RABGAP1L: variants seen among roughly 807,000 people sequenced by gnomAD.
RABGAP1L encodes RAB GTPase activating protein 1 like.
Under a neutral mutation model 137.7 loss-of-function variants are expected in RABGAP1L, and 63 were observed. The ratio of observed to expected loss-of-function variants is 0.46; its 90% CI spans 0.37 to 0.56. The LOEUF (loss-of-function observed/expected upper bound fraction) is 0.56, where lower values mean the gene tolerates loss of function less well. Among genes scored for constraint, RABGAP1L ranks in the 20% least tolerant of loss-of-function variants. RABGAP1L has a pLI of 0.00. For synonymous variants in RABGAP1L, 431 were observed against 433.7 expected, an observed-to-expected ratio of 0.99 and a Z score of 0.08; for missense variants, 1,095 against 1,244.0, an observed-to-expected ratio of 0.88 and a Z score of 1.80.
In RABGAP1L at chr1:174,994,390, T is replaced by TA. The variant is rs1193813714; in HGVS notation, c.*4390dup. Reference sequence around the variant, plus strand: ...ATCTCCACCTGAATTTGCTGCCTGCTATAAAAACATTTCATTAATATATCC... The same window carrying TA: ...ATCTCCACCTGAATTTGCTGCCTGCTAATAAAAACATTTCATTAATATATCC... On this transcript the variant is annotated 3_prime_UTR_variant, in exon 26 of 26. Coordinates refer to ENST00000681986, the MANE Select transcript of RABGAP1L (RefSeq NM_001366446.1). 6.6e-6 allele frequency: 1 copy of TA among 152,238 alleles called. No individual in the cohort carries two copies. The highest frequency in any genetic ancestry group is 2.4e-5 in the African/African-American group (1 of 41,464). The allele number at this position is 152,238 out of a possible 1,614,324, so 9.4% of individuals were successfully genotyped here.
intron 10 of RABGAP1L, among the ~76,000 whole-genome samples, chr1:174,286,111 C>T (rs1033895962): frequency 6.6e-6 from 1 of 152,112 alleles, no homozygotes; most frequent in Non-Finnish European, 1.5e-5. Context: ...GCAAGTATTT[C>T]CTCCTCCTCA....
At chr1:174,468,132 G>C (rs1181303006) in intron 13 of RABGAP1L, among the ~76,000 whole-genome samples, 9 of 151,874 alleles carry the variant, frequency 5.9e-5, no homozygotes, top group Non-Finnish European at 1.3e-4. Flanking sequence ...ATAAATTATT[G>C]CTTTTGTTTA....
At chr1:174,290,504 G>A (rs1305149657) in intron 10 of RABGAP1L, among the ~76,000 whole-genome samples, 1 of 152,014 alleles carries the variant, frequency 6.6e-6, no homozygotes, top group Admixed American at 6.6e-5. Flanking sequence ...TGTGCTTCTG[G>A]AATTTTTGCA....
At chr1:174,349,032 C>T (rs1251466415) in intron 11 of RABGAP1L, among the ~76,000 whole-genome samples, 33 of 143,416 alleles carry the variant, frequency 2.3e-4, no homozygotes, top group Non-Finnish European at 3.1e-4. Flanking sequence ...CCGGACAGGG[C>T]GGCTGGCCGG....
chr1:174,654,958 G>T (rs34819375), intron 14 of RABGAP1L, among the ~76,000 whole-genome samples: 87,785 of 151,490 alleles, frequency 0.58, 27,712 homozygotes, highest in African/African-American at 0.85. Context: ...CATTTTTTAT[G>T]ATTAGATTCA....
rs564018710 is a variant in RABGAP1L at position 174,255,845 on chromosome 1, C to T, written c.986+3255C>T. ...CCAGCTTGCACTCTCTTTCTCTTCT[C>T]CCTGCTACTCGCTATACACACACAG... is the stretch of plus-strand genomic sequence containing the variant. On this transcript the variant is annotated intron_variant, in intron 7 of 25. Transcript: ENST00000681986. 3.3e-5 allele frequency among the ~76,000 whole-genome samples: 5 copies of T among 152,222 alleles called. No homozygotes were observed. In the East Asian group the frequency reaches 5.8e-4, roughly 18 times the overall value.
intron 4 of RABGAP1L, among the ~76,000 whole-genome samples, 190 bp from the exon 5 acceptor site, chr1:174,241,293 C>T (rs922265103): frequency 1.7e-4 from 26 of 151,594 alleles, no homozygotes; most frequent in Admixed American, 1.7e-3. Context: ...TCACTCCAGC[C>T]TGGGGGAAAG....
At chr1:174,587,811 G>A (rs1340448270) in intron 13 of RABGAP1L, among the ~76,000 whole-genome samples, 1 of 152,064 alleles carries the variant, frequency 6.6e-6, no homozygotes, top group Non-Finnish European at 1.5e-5. Flanking sequence ...ACCATCTCAA[G>A]CATTTATTTC....
intron 14 of RABGAP1L, among the ~76,000 whole-genome samples, chr1:174,679,325 A>ACTGT (rs1337152885): frequency 6.6e-6 from 1 of 152,194 alleles, no homozygotes; most frequent in African/African-American, 2.4e-5. Flanking sequence ...TCCAGCTAGC[A>ACTGT]CTGTCTCTCA....
chr1:174,185,302 A>G (rs1212890634), intron 1 of RABGAP1L, among the ~76,000 whole-genome samples: 1 of 152,222 alleles, frequency 6.6e-6, no homozygotes, highest in African/African-American at 2.4e-5. Flanking sequence ...AAGCAAGTAA[A>G]TATACCAACT....
At chr1:174,588,810 A>G (rs568830171) in intron 13 of RABGAP1L, among the ~76,000 whole-genome samples, 4 of 152,184 alleles carry the variant, frequency 2.6e-5, no homozygotes, top group South Asian at 2.1e-4. Context: ...ATAGTACTCC[A>G]TTGTGTACAT....
intron 19 of RABGAP1L, among the ~76,000 whole-genome samples, chr1:174,899,325 C>T (rs1393715914): frequency 1.3e-5 from 2 of 152,018 alleles, no homozygotes; most frequent in Non-Finnish European, 2.9e-5. Flanking sequence ...CTGGAGAAGA[C>T]GTTAGGAACT....
chr1:174,812,737 A>T (rs960907483), intron 19 of RABGAP1L, among the ~76,000 whole-genome samples: 16 of 152,228 alleles, frequency 1.1e-4, no homozygotes, highest in Non-Finnish European at 1.8e-4. Context: ...AGCTGTGAAA[A>T]AAAAGAGAGT....
chr1:174,848,912 G>C (rs1285279355), intron 19 of RABGAP1L, among the ~76,000 whole-genome samples: 1 of 150,714 alleles, frequency 6.6e-6, no homozygotes, highest in African/African-American at 2.4e-5. Flanking sequence ...CGAGCCAGGT[G>C]TGGGATATAG....
chr1:174,808,142 C>T (rs191865165), intron 18 of RABGAP1L, among the ~76,000 whole-genome samples: 1 of 151,994 alleles, frequency 6.6e-6, no homozygotes, highest in Admixed American at 6.6e-5. Context: ...CATCACCATG[C>T]CCGGCTAAAA....
chr1:174,946,099 T>C (rs1234950333), intron 19 of RABGAP1L, among the ~76,000 whole-genome samples: 1 of 152,134 alleles, frequency 6.6e-6, no homozygotes, highest in Non-Finnish European at 1.5e-5. Flanking sequence ...TTTTTCTTTT[T>C]TCTTTTTAAT....
intron 13 of RABGAP1L, among the ~76,000 whole-genome samples, chr1:174,612,526 T>A (rs1671360227): frequency 6.6e-6 from 1 of 152,190 alleles, no homozygotes; most frequent in African/African-American, 2.4e-5. Context: ...TCTTTTTTGG[T>A]TGTGTCTCTG....
At chr1:174,358,779 T>G (rs1683876618) in intron 11 of RABGAP1L, among the ~76,000 whole-genome samples, 1 of 152,212 alleles carries the variant, frequency 6.6e-6, no homozygotes, top group Admixed American at 6.5e-5. Flanking sequence ...TTCCTAGTTT[T>G]AATGGATTTT....
At chr1:174,951,846 T>G (rs1036273265) in intron 19 of RABGAP1L, among the ~76,000 whole-genome samples, 3 of 152,158 alleles carry the variant, frequency 2.0e-5, no homozygotes, top group Non-Finnish European at 4.4e-5. Context: ...GCCAATAATA[T>G]CTTACCTTGA....
Sources: gnomAD v4.1 joint callset for allele counts (sites outside exome capture counted in the v4.1 genomes callset) on GRCh38, gnomAD v4.1.1 for gene constraint, MANE v1.5 for transcripts, NCBI Gene and HGNC (gene_info 2026-07-23, HGNC 2026-07-21) for gene names.